Variants in SFRP1 observed in about 807,000 individuals in gnomAD.
SFRP1 encodes secreted frizzled-related protein 1.
Under a neutral mutation model 25.9 loss-of-function variants are expected in SFRP1, and 9 were observed. The ratio of observed to expected loss-of-function variants is 0.35; its 90% CI spans 0.21 to 0.61. The LOEUF (loss-of-function observed/expected upper bound fraction) is 0.61, where lower values mean the gene tolerates loss of function less well. Among genes scored for constraint, SFRP1 ranks in the 20% least tolerant of loss-of-function variants. The pLI is 0.78. For synonymous variants in SFRP1, 178 were observed against 174.0 expected (o/e 1.02, Z -0.18); for missense variants, 346 against 418.2 (o/e 0.83, Z 1.51).
At position 41,309,434 on chromosome 8, in the gene SFRP1, G is replaced by C. The variant is rs1351695593; in HGVS notation, c.-275C>G. 1.3e-5 allele frequency: 2 copies of C among 159,616 alleles called. No homozygotes were observed. Among genetic ancestry groups the C allele is most frequent in the African/African-American group, 4.8e-5 (2 of 41,454 alleles). The allele number at this position is 159,616 out of a possible 1,614,324, so 9.9% of individuals were successfully genotyped here. ...AGCAGGAAGGCGCGGGGCGGCGGGC[G>C]CGCGGCACTGACTCCGGAGGCTGCA... On this transcript the variant is annotated 5_prime_UTR_variant, in exon 1 of 3. Transcript: ENST00000220772.
chr8:41,305,392 A>G (rs1803980085), intron 1 of SFRP1, among the ~76,000 whole-genome samples: 1 of 152,180 alleles, frequency 6.6e-6, no homozygotes, highest in African/African-American at 2.4e-5. Flanking sequence ...CGTCAATTAC[A>G]TTTGGACTTC....
In SFRP1 at chr8:41,262,729, C is replaced by T. The variant is rs750888331; in HGVS notation, c.*2438G>A. 6.6e-6 allele frequency: 1 copy of T among 152,200 alleles called. No homozygotes were observed. The highest frequency in any genetic ancestry group is 1.5e-5 in the Non-Finnish European group (1 of 68,032). The allele number at this position is 152,200 out of a possible 1,614,324, so 9.4% of individuals were successfully genotyped here. ...GAGACCAATGACCAGGCCAATCAGTCTGCACATTGGTTTTGTTAGATACTT... is the reference window on the plus strand; with the variant it reads ...GAGACCAATGACCAGGCCAATCAGTTTGCACATTGGTTTTGTTAGATACTT... On this transcript the variant is annotated 3_prime_UTR_variant, in exon 3 of 3. Transcript: ENST00000220772.
intron 2 of SFRP1, among the ~76,000 whole-genome samples, chr8:41,297,111 C>A (rs1803853340): frequency 6.6e-6 from 1 of 152,186 alleles, no homozygotes; most frequent in Non-Finnish European, 1.5e-5. Context: ...GCAGCGCAAT[C>A]TCAGCTCACT....
chr8:41,305,547 C>T (rs895316298), intron 1 of SFRP1, among the ~76,000 whole-genome samples: 5 of 152,208 alleles, frequency 3.3e-5, no homozygotes, highest in African/African-American at 1.2e-4. Flanking sequence ...GCGGTATTAA[C>T]CTGCGCCTCA....
chr8:41,303,971 C>G (rs1803961022), intron 1 of SFRP1, among the ~76,000 whole-genome samples: 1 of 152,158 alleles, frequency 6.6e-6, no homozygotes, highest in Non-Finnish European at 1.5e-5. Context: ...TCCCAGCTAG[C>G]CTGCTGATCC....
Position 41,265,032 on chromosome 8 carries a change from G to A in SFRP1, c.*135C>T, listed in dbSNP as rs2117474854. Reference sequence around the variant, plus strand: ...AGGGAAGGGAGCGGGAATGCTGCAAGAACAAGCCGACTGGATTACAATGTC... The same window carrying A: ...AGGGAAGGGAGCGGGAATGCTGCAAAAACAAGCCGACTGGATTACAATGTC... On this transcript the variant is annotated 3_prime_UTR_variant, in exon 3 of 3. Transcript: ENST00000220772. 1 of 663,028 alleles carries A rather than the reference G, an allele frequency of 1.5e-6. No homozygotes were observed. The highest frequency in any genetic ancestry group is 2.5e-6 in the Non-Finnish European group (1 of 393,600). The allele number at this position is 663,028 out of a possible 1,614,324, so 41.1% of individuals were successfully genotyped here. A position where few individuals can be genotyped will look rare whatever the true frequency, so the allele number is the denominator to read the frequency against.
intron 2 of SFRP1, among the ~76,000 whole-genome samples, chr8:41,288,836 C>T (rs1260284681): frequency 1.3e-5 from 2 of 152,204 alleles, no homozygotes; most frequent in African/African-American, 4.8e-5. Flanking sequence ...CTATGCCATC[C>T]ATCTCTGGGT....
chr8:41,273,017 T>A (rs2117484836), intron 2 of SFRP1, among the ~76,000 whole-genome samples: 1 of 152,356 alleles, frequency 6.6e-6, no homozygotes, highest in South Asian at 2.1e-4. Flanking sequence ...GGATAATGAA[T>A]CAATGCCTTT....
In SFRP1 at chr8:41,308,964, G is replaced by A. The variant is rs1282525022; in HGVS notation, c.196C>T (p.Arg66Trp). 1 of 1,613,392 alleles carries A rather than the reference G, an allele frequency of 6.2e-7. No homozygotes were observed. Among genetic ancestry groups the A allele is most frequent in the Non-Finnish European group, 8.5e-7 (1 of 1,179,930 alleles). The change falls in exon 1 of 3, where the codon CGG (arginine) becomes TGG (tryptophan). Residue 66 changes from arginine (R) to tryptophan (W), a missense_variant. Physicochemically the swap from Arg to Trp is moderately radical, Grantham distance 101. Transcript: ENST00000220772. ...PQCVDIPADL[R>W]LCHNVGYKKM... ...TTGTAGCCCACGTTGTGGCACAGCCGCAGGTCCGCGGGGATGTCCACGCAC... is the reference window on the plus strand; with the variant it reads ...TTGTAGCCCACGTTGTGGCACAGCCACAGGTCCGCGGGGATGTCCACGCAC...
intron 2 of SFRP1, among the ~76,000 whole-genome samples, chr8:41,276,604 T>C (rs1803575117): frequency 6.6e-6 from 1 of 152,220 alleles, no homozygotes; most frequent in Non-Finnish European, 1.5e-5. Flanking sequence ...CTTGGATGCA[T>C]TTGCTGACTA....
At chr8:41,307,806 C>T (rs1056193060) in intron 1 of SFRP1, among the ~76,000 whole-genome samples, 2 of 152,148 alleles carry the variant, frequency 1.3e-5, no homozygotes, top group Admixed American at 6.5e-5. Context: ...GTCCCTCAGG[C>T]TGTTAGGAAA....
chr8:41,288,861 G>A (rs1803741643), intron 2 of SFRP1, among the ~76,000 whole-genome samples: 1 of 152,220 alleles, frequency 6.6e-6, no homozygotes. Flanking sequence ...GAGAACAGAA[G>A]GGAAGAAGCA....
At chr8:41,283,413 A>T (rs1232520676) in intron 2 of SFRP1, among the ~76,000 whole-genome samples, 2 of 152,036 alleles carry the variant, frequency 1.3e-5, no homozygotes, top group Non-Finnish European at 2.9e-5. Flanking sequence ...TAGACAGAAA[A>T]CGTGCAGGCC....
chr8:41,304,673 C>G (rs1051638081), intron 1 of SFRP1, among the ~76,000 whole-genome samples: 1 of 152,088 alleles, frequency 6.6e-6, no homozygotes, highest in African/African-American at 2.4e-5. Flanking sequence ...CATCAGCCCC[C>G]CTTATGGCTC....
chr8:41,285,063 C>T (rs565009068), intron 2 of SFRP1, among the ~76,000 whole-genome samples: 28 of 152,214 alleles, frequency 1.8e-4, no homozygotes, highest in Admixed American at 3.9e-4. Flanking sequence ...AATGGAGTTC[C>T]GGGTGAGATT....
intron 2 of SFRP1, among the ~76,000 whole-genome samples, chr8:41,300,993 AGACAT>A (rs1483411659): frequency 6.6e-6 from 1 of 152,162 alleles, no homozygotes; most frequent in Non-Finnish European, 1.5e-5. Flanking sequence ...GCAGGGCTGG[AGACAT>A]GAGTGACTAA....
At chr8:41,299,138 A>G (rs1803880889) in intron 2 of SFRP1, among the ~76,000 whole-genome samples, 1 of 151,842 alleles carries the variant, frequency 6.6e-6, no homozygotes, top group Non-Finnish European at 1.5e-5. Context: ...CTGCTCAGAA[A>G]GAGACACAGG....
intron 2 of SFRP1, among the ~76,000 whole-genome samples, chr8:41,299,088 G>A (rs965693686): frequency 8.6e-5 from 13 of 151,644 alleles, no homozygotes; most frequent in African/African-American, 7.3e-5. Flanking sequence ...TCTCTTCACC[G>A]CCTACCCCCC....
intron 2 of SFRP1, among the ~76,000 whole-genome samples, chr8:41,289,542 G>T (rs538414231): frequency 6.6e-6 from 1 of 152,134 alleles, no homozygotes; most frequent in South Asian, 2.1e-4. Context: ...CTGGGCTCAC[G>T]CCTGTACAGC....
Sources: allele counts gnomAD v4.1 joint callset (sites outside exome capture counted in the v4.1 genomes callset), GRCh38; gene constraint gnomAD v4.1.1; transcripts MANE v1.5; gene names NCBI Gene and HGNC (gene_info 2026-07-23, HGNC 2026-07-21).